ITPR2: variants seen among roughly 807,000 people sequenced by gnomAD.
The protein encoded by ITPR2 is inositol 1,4,5-trisphosphate-gated calcium channel ITPR2.
A neutral mutation model predicts 317.1 loss-of-function variants in ITPR2; 207 were observed. The ratio of observed to expected loss-of-function variants is 0.65; its 90% CI spans 0.58 to 0.73. ITPR2 has a LOEUF of 0.73. ITPR2 is among the 30% of genes least tolerant of loss of function. The pLI is 0.00. For synonymous variants in ITPR2, 1,156 were observed against 1,149.1 expected (o/e 1.01, Z -0.12); for missense variants, 2,613 against 3,284.0 (o/e 0.80, Z 4.99).
intron 36 of ITPR2, among the ~76,000 whole-genome samples, chr12:26,553,653 C>T (rs1330099708): frequency 1.3e-5 from 2 of 151,970 alleles, no homozygotes; most frequent in African/African-American, 2.4e-5. Flanking sequence ...GGCTTGGTGG[C>T]GGTTGCCTCT....
At chr12:26,586,249 A>G (rs541827250) in intron 32 of ITPR2, among the ~76,000 whole-genome samples, 1 of 151,878 alleles carries the variant, frequency 6.6e-6, no homozygotes, top group South Asian at 2.1e-4. Context: ...GGCTCAGGGG[A>G]TCCTCTTCCC....
At position 26,772,463 on chromosome 12, in the gene ITPR2, ACATGTAT is replaced by A. The variant is rs1949871288; in HGVS notation, c.163+17687_163+17693del. On this transcript the variant is annotated intron_variant, in intron 2 of 56. Transcript: ENST00000381340. ...GTATTATATATATTATATATATAATACATGTATTATATATAATATATATAATACATAT... is the reference window on the plus strand; with the variant it reads ...GTATTATATATATTATATATATAATATATATATAATATATATAATACATAT... Among the ~76,000 whole-genome samples the A allele has an allele frequency of 1.2e-4, 7 of 59,650 alleles. 1 individual carries two copies. Among genetic ancestry groups the A allele is most frequent in the South Asian group, 5.0e-4 (1 of 2,014 alleles). The allele number at this position is 59,650 out of a possible 152,430, so 39.1% of individuals were successfully genotyped here.
intron 37 of ITPR2, among the ~76,000 whole-genome samples, chr12:26,514,890 T>C (rs1943446544): frequency 6.6e-6 from 1 of 152,230 alleles, no homozygotes; most frequent in Non-Finnish European, 1.5e-5. Context: ...AGGCAAAACA[T>C]AATTATTTCT....
chr12:26,624,410 T>A, intron 23 of ITPR2, 54 bp from the exon 24 acceptor site: 1 of 1,214,754 alleles, frequency 8.2e-7, no homozygotes, highest in Non-Finnish European at 1.2e-6. Context: ...TTAGGAGCCA[T>A]AATAGTCATA....
At chr12:26,815,165 C>T in intron 1 of ITPR2, among the ~76,000 whole-genome samples, 1 of 152,116 alleles carries the variant, frequency 6.6e-6, no homozygotes, top group Non-Finnish European at 1.5e-5. Flanking sequence ...ATGGTGAAAC[C>T]TCATCTCCAC....
chr12:26,595,615 A>G, intron 31 of ITPR2, 25 bp from the exon 32 acceptor site: 1 of 1,524,006 alleles, frequency 6.6e-7, no homozygotes, highest in Non-Finnish European at 8.8e-7. Context: ...AATACAAAAG[A>G]AAGTTAGTTT....
At chr12:26,715,895 T>A in intron 6 of ITPR2, 60 bp from the exon 7 acceptor site, 1 of 1,197,150 alleles carries the variant, frequency 8.4e-7, no homozygotes, top group Non-Finnish European at 1.2e-6. Flanking sequence ...TACCAGAAAT[T>A]ATTAGTTCAA....
intron 55 of ITPR2, among the ~76,000 whole-genome samples, chr12:26,347,796 T>C (rs11048475): frequency 0.15 from 23,587 of 152,260 alleles, 1,965 homozygotes; most frequent in East Asian, 0.22. Context: ...CCTCTAGGTA[T>C]GGTATCACGG....
chr12:26,707,198 T>A (rs901903610), intron 9 of ITPR2, among the ~76,000 whole-genome samples: 1 of 152,248 alleles, frequency 6.6e-6, no homozygotes, highest in African/African-American at 2.4e-5. Context: ...TCTACCATGC[T>A]GTGCATTTAC....
At position 26,485,871 on chromosome 12, in the gene ITPR2, T is replaced by C. The variant is rs114692708; in HGVS notation, c.5811+233A>G. 6.5e-3 allele frequency among the ~76,000 whole-genome samples: 992 copies of C among 152,252 alleles called. 18 individuals are homozygous for C. Among genetic ancestry groups the C allele is most frequent in the African/African-American group, 0.023 (948 of 41,544 alleles). On this transcript the variant is annotated intron_variant, in intron 41 of 56. Coordinates refer to ENST00000381340, the MANE Select transcript of ITPR2 (RefSeq NM_002223.4). The stretch of plus-strand genomic sequence containing the variant: ...GGCTAAAAATATTTGAGGCTAAAAA[T>C]ATTGAGGAGGATGACACTGTATGAG...
intron 13 of ITPR2, among the ~76,000 whole-genome samples, chr12:26,676,435 C>T (rs966211593): frequency 2.0e-5 from 3 of 150,638 alleles, no homozygotes; most frequent in Non-Finnish European, 4.4e-5. Context: ...CAAGATCACG[C>T]CACTGCATTC....
chr12:26,439,936 T>TA (rs34729353), intron 46 of ITPR2, among the ~76,000 whole-genome samples: 118,198 of 151,992 alleles, frequency 0.78, 46,314 homozygotes, highest in Non-Finnish European at 0.81. Context: ...AACTTTAGAC[T>TA]AAAAAAAGGC....
intron 2 of ITPR2, among the ~76,000 whole-genome samples, chr12:26,728,849 G>A (rs1948979322): frequency 6.6e-6 from 1 of 152,160 alleles, no homozygotes; most frequent in South Asian, 2.1e-4. Context: ...TTCAGCAATA[G>A]CCTCACTAAG....
chr12:26,622,469 G>T, intron 24 of ITPR2, 64 bp from the exon 25 acceptor site: 1 of 1,265,664 alleles, frequency 7.9e-7, no homozygotes, highest in Non-Finnish European at 1.1e-6. Context: ...TTCAGTATTA[G>T]AATTGTATAC....
At position 26,599,232 on chromosome 12, in the gene ITPR2, G is replaced by A. The variant is rs757128427; in HGVS notation, c.3915C>T (p.Arg1305=). Residue 1305 remains arginine (R), a synonymous_variant, in exon 30 of 57, where the codon CGC becomes CGT. Transcript: ENST00000381340. Reference sequence around the variant, plus strand: ...GCAAAAACCTCAGGTACTCCACGTGGCGGCCATGTGTCTCAATGCAGTGCA... The same window carrying A: ...GCAAAAACCTCAGGTACTCCACGTGACGGCCATGTGTCTCAATGCAGTGCA... The part of the protein sequence containing the change: ...HFVHCIETHG[R]HVEYLRFLQT... The A allele has an allele frequency of 6.2e-7, 1 of 1,614,078 alleles. No homozygotes were observed. Among genetic ancestry groups the A allele is most frequent in the Non-Finnish European group, 8.5e-7 (1 of 1,179,960 alleles).
chr12:26,817,793 C>T (rs188259466), intron 1 of ITPR2, among the ~76,000 whole-genome samples: 8 of 152,196 alleles, frequency 5.3e-5, no homozygotes, highest in African/African-American at 1.9e-4. Context: ...AGTGACTGAC[C>T]TCATCTGTAT....
intron 55 of ITPR2, among the ~76,000 whole-genome samples, chr12:26,350,596 T>C (rs996422684): frequency 9.2e-5 from 14 of 152,062 alleles, no homozygotes; most frequent in Non-Finnish European, 1.5e-4. Context: ...CAGGTGTGGA[T>C]ACCAAGTGTG....
At position 26,599,229 on chromosome 12, in the gene ITPR2, G is replaced by C; in HGVS notation, c.3918C>G (p.His1306Gln). The C allele has an allele frequency of 6.2e-7, 1 of 1,614,004 alleles. No individual in the cohort carries two copies. The highest frequency in any genetic ancestry group is 8.5e-7 in the Non-Finnish European group (1 of 1,179,908). Residue 1306 changes from histidine (H) to glutamine (Q), a missense_variant, in exon 30 of 57, where the codon CAC becomes CAG. Physicochemically the swap from His to Gln is conservative, Grantham distance 24. Transcript: ENST00000381340. The stretch of plus-strand genomic sequence containing the variant: ...TTTGCAAAAACCTCAGGTACTCCAC[G>C]TGGCGGCCATGTGTCTCAATGCAGT... The part of the protein sequence containing the change: ...FVHCIETHGR[H>Q]VEYLRFLQTI...
chr12:26,752,827 C>T (rs945567245), intron 2 of ITPR2, among the ~76,000 whole-genome samples: 1 of 152,036 alleles, frequency 6.6e-6, no homozygotes, highest in East Asian at 1.9e-4. Context: ...AGTGAGGAAA[C>T]CCCTGACCCA....
Sources: gnomAD v4.1 joint callset for allele counts (sites outside exome capture counted in the v4.1 genomes callset) on GRCh38, gnomAD v4.1.1 for gene constraint, MANE v1.5 for transcripts, NCBI Gene and HGNC (gene_info 2026-07-23, HGNC 2026-07-21) for gene names.